Variants in ANKFY1 observed in about 807,000 individuals in gnomAD.
The protein encoded by ANKFY1 is ankyrin repeat and FYVE domain-containing protein 1.
A neutral mutation model predicts 128.3 loss-of-function variants in ANKFY1; 47 were observed. The ratio of observed to expected loss-of-function variants is 0.37; its 90% CI spans 0.29 to 0.47. The LOEUF is 0.47. Ranked by LOEUF, ANKFY1 falls within the 20% of genes least tolerant of loss-of-function variation. The probability of loss-of-function intolerance (pLI) is 1.00; values close to 1 mark genes in which losing one functional copy is unlikely to be tolerated. For synonymous variants in ANKFY1, 553 were observed against 601.6 expected, an observed-to-expected ratio of 0.92 and a Z score of 1.18; for missense variants, 1,222 against 1,510.6, an observed-to-expected ratio of 0.81 and a Z score of 3.17.
In ANKFY1 at chr17:4,183,793, G is replaced by C; in HGVS notation, c.1798+19C>G. The C allele has an allele frequency of 1.3e-6, 2 of 1,594,618 alleles. No homozygotes were observed. The highest frequency in any genetic ancestry group is 1.7e-6 in the Non-Finnish European group (2 of 1,162,474). On this transcript the variant is annotated intron_variant, in intron 13 of 24. Coordinates refer to ENST00000341657, the MANE Select transcript of ANKFY1 (RefSeq NM_001330063.2). Reference sequence around the variant, plus strand: ...CAGCTGTCTGTCTGCAGACATCAGCGGCCCCGGCACAGCCTTACCAGTCCA... The same window carrying C: ...CAGCTGTCTGTCTGCAGACATCAGCCGCCCCGGCACAGCCTTACCAGTCCA...
At chr17:4,243,926 TAAAC>T (rs997392406) in intron 1 of ANKFY1, among the ~76,000 whole-genome samples, 2 of 145,400 alleles carry the variant, frequency 1.4e-5, no homozygotes, top group African/African-American at 5.0e-5. Context: ...AAAACAAAGA[TAAAC>T]AATTTTTTTT....
chr17:4,167,929 G>C lies in ANKFY1; in HGVS notation c.3378-18C>G. 6.2e-7 allele frequency: 1 copy of C among 1,610,772 alleles called. No homozygotes were observed. The highest frequency in any genetic ancestry group is 8.5e-7 in the Non-Finnish European group (1 of 1,178,162). On this transcript the variant is annotated intron_variant, in intron 24 of 24. Coordinates refer to ENST00000341657, the MANE Select transcript of ANKFY1 (RefSeq NM_001330063.2). The surrounding 1 kb of genome is among the most constrained non-coding windows in gnomAD (Gnocchi z 4.1). ...AGTGACGACTGTGGAAGCAAAGAAAGGAAGTATGAGAGGAGCGCCAACGAC... is the reference window on the plus strand; with the variant it reads ...AGTGACGACTGTGGAAGCAAAGAAACGAAGTATGAGAGGAGCGCCAACGAC...
chr17:4,195,024 T>C lies in ANKFY1; in HGVS notation c.1326A>G (p.Arg442=), dbSNP rs762087527. The C allele has an allele frequency of 1.2e-6, 2 of 1,614,102 alleles. No homozygotes were observed. Among genetic ancestry groups the C allele is most frequent in the Admixed American group, 3.3e-5 (2 of 60,016 alleles). The change falls in exon 10 of 25, where the codon AGA becomes AGG. Residue 442 remains arginine, a synonymous_variant. Coordinates refer to ENST00000341657, the MANE Select transcript of ANKFY1 (RefSeq NM_001330063.2). The stretch of plus-strand genomic sequence containing the variant: ...CTGTGTGGCTGCCGCGCTGGATGAG[T>C]CTGGCTGCAAAGCTGTTCTCATCAA... ...TSFDENSFAA[R]LIQRGSHTDA...
chr17:4,209,581 G>A (rs956506779), intron 5 of ANKFY1, among the ~76,000 whole-genome samples: 2 of 152,192 alleles, frequency 1.3e-5, no homozygotes, highest in African/African-American at 2.4e-5. Context: ...AATTGCAGGC[G>A]TGAGCCACCG....
chr17:4,253,219 T>TCAA (rs577126406), intron 1 of ANKFY1, among the ~76,000 whole-genome samples: 96 of 151,890 alleles, frequency 6.3e-4, no homozygotes, highest in East Asian at 4.8e-3. Context: ...AGACTCCATC[T>TCAA]CAACAACAAC....
chr17:4,180,076 TG>T (rs1250668364), intron 16 of ANKFY1, 199 bp from the exon 17 acceptor site: 1 of 644,468 alleles, frequency 1.6e-6, no homozygotes, highest in Non-Finnish European at 2.6e-6. Context: ...GTCTTGGGGG[TG>T]GGCAACCCGG....
chr17:4,246,292 G>A (rs1487701387), intron 1 of ANKFY1, among the ~76,000 whole-genome samples: 1 of 152,192 alleles, frequency 6.6e-6, no homozygotes, highest in African/African-American at 2.4e-5. Context: ...AAATGCAAGA[G>A]AAGGTTTCGA....
intron 7 of ANKFY1, among the ~76,000 whole-genome samples, chr17:4,204,544 G>A (rs979869048): frequency 1.3e-5 from 2 of 152,126 alleles, no homozygotes; most frequent in African/African-American, 4.8e-5. Context: ...AACTCAGAGT[G>A]GAAGGTTAAA....
intron 1 of ANKFY1, chr17:4,263,694 G>T: frequency 6.6e-7 from 1 of 1,515,502 alleles, no homozygotes; most frequent in Non-Finnish European, 8.8e-7. Context: ...CTGCCAGCCC[G>T]GCTCCGCAGC....
At chr17:4,189,504 T>G in intron 10 of ANKFY1, 25 bp from the exon 11 acceptor site, 1 of 1,542,664 alleles carries the variant, frequency 6.5e-7, no homozygotes, top group Non-Finnish European at 8.8e-7. Flanking sequence ...GCATTGCTGA[T>G]TCTTCTGTTT....
intron 3 of ANKFY1, among the ~76,000 whole-genome samples, chr17:4,225,744 GGT>G (rs991404369): frequency 6.6e-6 from 1 of 151,968 alleles, no homozygotes; most frequent in African/African-American, 2.4e-5. Flanking sequence ...CTATGGCTTC[GGT>G]GTGTGTGTAT....
rs767820354 is a variant in ANKFY1 at position 4,181,388 on chromosome 17, G to A, written c.2122-16C>T. The A allele has an allele frequency of 1.0e-5, 16 of 1,593,358 alleles. No homozygotes were observed. In the East Asian group the frequency reaches 1.1e-4, roughly 11 times the overall value. On this transcript the variant is annotated splice_polypyrimidine_tract_variant and intron_variant, in intron 15 of 24. Transcript: ENST00000341657. The surrounding 1 kb of genome is among the most constrained non-coding windows in gnomAD (Gnocchi z 4.9). ...CATGTCTGACCTGCAGAAAAACATA[G>A]GTTATTCACAAACACTGCTGAGCAA...
chr17:4,175,150 T>C (rs2059390299), intron 19 of ANKFY1, among the ~76,000 whole-genome samples: 1 of 151,288 alleles, frequency 6.6e-6, no homozygotes, highest in African/African-American at 2.4e-5. Flanking sequence ...CCAGGTAACA[T>C]GGCAAAACCT....
chr17:4,177,050 G>C (rs1000090878), intron 19 of ANKFY1, 76 bp downstream of exon 19: 18 of 1,391,136 alleles, frequency 1.3e-5, no homozygotes, highest in Admixed American at 2.6e-5. Context: ...CAAAGCACCT[G>C]TGATGAGATT....
chr17:4,170,034 G>A (rs1233362168), intron 23 of ANKFY1, among the ~76,000 whole-genome samples: 1 of 152,212 alleles, frequency 6.6e-6, no homozygotes, highest in Non-Finnish European at 1.5e-5. Context: ...GCTTTTCAAA[G>A]GCCAAGTGCA....
chr17:4,253,445 A>C (rs1416532269), intron 1 of ANKFY1, among the ~76,000 whole-genome samples: 1 of 152,138 alleles, frequency 6.6e-6, no homozygotes, highest in Non-Finnish European at 1.5e-5. Flanking sequence ...TGTCAATTAC[A>C]CCTCAATAAA....
At chr17:4,238,179 C>T (rs919150365) in intron 2 of ANKFY1, among the ~76,000 whole-genome samples, 3 of 140,342 alleles carry the variant, frequency 2.1e-5, no homozygotes, top group Non-Finnish European at 4.6e-5. Flanking sequence ...AAAAAAAAGG[C>T]TACCAGTTTC....
intron 3 of ANKFY1, chr17:4,222,523 A>T: frequency 1.9e-6 from 2 of 1,044,008 alleles, no homozygotes; most frequent in Non-Finnish European, 1.5e-6. Context: ...AGTTCTACGC[A>T]CTTTATCAGT....
chr17:4,183,943 T>C (rs1189904971), intron 12 of ANKFY1, 33 bp from the exon 13 acceptor site: 3 of 1,550,544 alleles, frequency 1.9e-6, no homozygotes, highest in East Asian at 2.2e-5. Flanking sequence ...GAACACTTGA[T>C]GTCACCATCT....
Sources: allele counts gnomAD v4.1 joint callset (sites outside exome capture counted in the v4.1 genomes callset), GRCh38; gene constraint gnomAD v4.1.1; non-coding constraint Gnocchi (gnomAD v3.1); transcripts MANE v1.5; gene names NCBI Gene and HGNC (gene_info 2026-07-23, HGNC 2026-07-21).